Variants in TUBB8 observed in about 807,000 individuals in gnomAD.
TUBB8 encodes tubulin beta 8 class VIII.
TUBB8 carries 25 observed loss-of-function variants against 33.7 expected under a neutral mutation model. The ratio of observed to expected loss-of-function variants is 0.74; its 90% confidence interval spans 0.54 to 1.04. The LOEUF (loss-of-function observed/expected upper bound fraction) is 1.04, where lower values mean the gene tolerates loss of function less well. Ranked by LOEUF, TUBB8 falls within the 50% of genes least tolerant of loss-of-function variation. TUBB8 has a pLI of 0.00. For missense variants in TUBB8, 279 were observed against 608.0 expected, an observed-to-expected ratio of 0.46 and a Z score of 5.69; for synonymous variants, 245 against 240.1, an observed-to-expected ratio of 1.02 and a Z score of -0.19.
chr10:48,549 G>C (rs1554738760), intron 3 of TUBB8, 66 bp downstream of exon 3: 1 of 1,461,626 alleles, frequency 6.8e-7, no homozygotes, highest in Non-Finnish European at 9.6e-7. Flanking sequence ...GATGACCTTA[G>C]CACACTCCTG....
intron 1 of TUBB8, among the ~76,000 whole-genome samples, chr10:61,615 T>G (rs1352240993): frequency 6.6e-6 from 1 of 152,262 alleles, no homozygotes; most frequent in African/African-American, 2.4e-5. Flanking sequence ...ATTAGGTTCA[T>G]TTGTTATACA....
intron 1 of TUBB8, among the ~76,000 whole-genome samples, chr10:71,963 C>T (rs1834742160): frequency 6.6e-6 from 1 of 151,852 alleles, no homozygotes; most frequent in Admixed American, 6.6e-5. Context: ...CAGTGGCTCA[C>T]ACCTATAATC....
In TUBB8 at chr10:48,730, G is replaced by A. The variant is rs1554738836; in HGVS notation, c.167-5C>T. On this transcript the variant is annotated splice_polypyrimidine_tract_variant and splice_region_variant and intron_variant, in intron 2 of 3. Transcript: ENST00000568584. ...CGCGGGGCACGTACCTGCCACCTGC[G>A]TGGGGCGGGAGGGCATGAGCGAGGG... is the stretch of plus-strand genomic sequence containing the variant. 10 of 1,607,282 alleles carry A rather than the reference G, an allele frequency of 6.2e-6. No individual in the cohort carries two copies. Among genetic ancestry groups the A allele is most frequent in the Admixed American group, 5.0e-5 (3 of 59,988 alleles).
intron 1 of TUBB8, among the ~76,000 whole-genome samples, chr10:66,605 C>T (rs1834673917): frequency 6.6e-6 from 1 of 152,218 alleles, no homozygotes; most frequent in Non-Finnish European, 1.5e-5. Context: ...GCCACGTTCA[C>T]ACCACTGCAC....
downstream of TUBB8, among the ~76,000 whole-genome samples, chr10:46,620 T>G (rs1210886539): frequency 1.4e-5 from 2 of 148,026 alleles, no homozygotes; most frequent in Non-Finnish European, 3.0e-5. Context: ...GGCCAGCTGG[T>G]CCCCTAGAAG....
chr10:46,981 G>A lies in TUBB8; in HGVS notation c.*76C>T, dbSNP rs1278428193. On this transcript the variant is annotated 3_prime_UTR_variant, in exon 4 of 4. Transcript: ENST00000568584. ...GATGTGAAGACACAAATTAACAAGC[G>A]TATAGTGACACATGGCTGTCAGAAC... is the stretch of plus-strand genomic sequence containing the variant. 1.6e-5 allele frequency: 10 copies of A among 614,610 alleles called. No homozygotes were observed. Among genetic ancestry groups the A allele is most frequent in the African/African-American group, 7.8e-5 (4 of 51,120 alleles). The allele number at this position is 614,610 out of a possible 1,614,324, so 38.1% of individuals were successfully genotyped here. A position where few individuals can be genotyped will look rare whatever the true frequency, so the allele number is the denominator to read the frequency against.
chr10:50,420 T>C (rs1255124251), upstream of TUBB8, among the ~76,000 whole-genome samples: 1 of 152,208 alleles, frequency 6.6e-6, no homozygotes, highest in Non-Finnish European at 1.5e-5. Flanking sequence ...CAGGGTATTC[T>C]GGCCCAGTTC....
Position 47,213 on chromosome 10 carries a change from G to T in TUBB8, c.1179C>A (p.Ala393=). The part of the protein sequence containing the change: ...EQFTAMFRRK[A]FLHWYTGEGM... ...CCTCGCCCGTGTACCAGTGGAGGAA[G>T]GCCTTGCGCCTGAACATTGCTGTAA... The change falls in exon 4 of 4, where the codon GCC becomes GCA. Residue 393 remains alanine, a synonymous_variant. Coordinates refer to ENST00000568584, the MANE Select transcript of TUBB8 (RefSeq NM_177987.3). 1.9e-6 allele frequency: 3 copies of T among 1,613,106 alleles called. No individual in the cohort carries two copies. The highest frequency in any genetic ancestry group is 2.5e-6 in the Non-Finnish European group (3 of 1,179,876).
At chr10:58,594 C>T (rs1332946838) in intron 1 of TUBB8, among the ~76,000 whole-genome samples, 1 of 152,184 alleles carries the variant, frequency 6.6e-6, no homozygotes, top group African/African-American at 2.4e-5. Context: ...GAATCTTGCA[C>T]ATCACAGGGC....
Position 48,664 on chromosome 10 carries a change from C to T in TUBB8, c.228G>A (p.Val76=). 6 of 1,612,180 alleles carry T rather than the reference C, an allele frequency of 3.7e-6. No homozygotes were observed. The highest frequency in any genetic ancestry group is 5.1e-6 in the Non-Finnish European group (6 of 1,179,840). Residue 76 remains valine, a synonymous_variant, in exon 3 of 4, where the codon GTG becomes GTA. Coordinates refer to ENST00000568584, the MANE Select transcript of TUBB8 (RefSeq NM_177987.3). ...VDLEPGTMDS[V]RSGPFGQVFR... is the part of the protein sequence containing the mutation. Reference sequence around the variant, plus strand: ...AGACCTGCCCGAAGGGCCCCGAGCGCACAGAGTCCATGGTGCCCGGCTCCA... The same window carrying T: ...AGACCTGCCCGAAGGGCCCCGAGCGTACAGAGTCCATGGTGCCCGGCTCCA...
intron 1 of TUBB8, among the ~76,000 whole-genome samples, chr10:59,593 A>C (rs1554740623): frequency 6.6e-6 from 1 of 152,160 alleles, no homozygotes; most frequent in African/African-American, 2.4e-5. Flanking sequence ...TTACCTATTT[A>C]TGTATTGTTT....
At chr10:55,253 T>C (rs537096638) in intron 1 of TUBB8, among the ~76,000 whole-genome samples, 238 of 152,288 alleles carry the variant, frequency 1.6e-3, no homozygotes, top group African/African-American at 5.1e-3. Context: ...AACTCACTCA[T>C]TGTCAGAAGA....
chr10:73,171 A>C (rs1211059351), intron 1 of TUBB8, among the ~76,000 whole-genome samples: 9 of 152,264 alleles, frequency 5.9e-5, no homozygotes, highest in African/African-American at 2.2e-4. Context: ...TGACGAGTTC[A>C]CTTCCATTAG....
Position 47,227 on chromosome 10 carries a change from A to T in TUBB8, c.1165T>A (p.Phe389Ile). Residue 389 changes from phenylalanine to isoleucine, a missense_variant, in exon 4 of 4, where the codon TTC becomes ATC. Phe to Ile is a conservative substitution (Grantham distance 21). Around this residue, in one of 4 missense-constraint regions of TUBB8, gnomAD observed 123 missense variants for 228.9 expected, o/e 0.54. Transcript: ENST00000568584. ...CAGTGGAGGAAGGCCTTGCGCCTGA[A>T]CATTGCTGTAAACTGCTCTGAGACA... ...KRVSEQFTAM[F>I]RRKAFLHWYT... 6.2e-7 allele frequency: 1 copy of T among 1,613,392 alleles called. No individual in the cohort carries two copies. The highest frequency in any genetic ancestry group is 8.5e-7 in the Non-Finnish European group (1 of 1,179,910).
At chr10:59,470 T>C (rs1431505239) in intron 1 of TUBB8, among the ~76,000 whole-genome samples, 5 of 152,258 alleles carry the variant, frequency 3.3e-5, no homozygotes, top group Non-Finnish European at 7.3e-5. Context: ...ATTACAGGCG[T>C]GAGCCACTGC....
chr10:70,974 A>G (rs2130952243), intron 1 of TUBB8, among the ~76,000 whole-genome samples: 1 of 152,376 alleles, frequency 6.6e-6, no homozygotes, highest in East Asian at 1.9e-4. Flanking sequence ...TACACCGATT[A>G]GCATAGAAAA....
At chr10:69,361 C>T (rs1320841096) in intron 1 of TUBB8, among the ~76,000 whole-genome samples, 1 of 152,226 alleles carries the variant, frequency 6.6e-6, no homozygotes, top group Non-Finnish European at 1.5e-5. Flanking sequence ...AATGTCCACC[C>T]TTAGCAAATT....
chr10:59,555 G>A (rs1834572497), intron 1 of TUBB8, among the ~76,000 whole-genome samples: 1 of 152,132 alleles, frequency 6.6e-6, no homozygotes, highest in African/African-American at 2.4e-5. Flanking sequence ...TTGTATCTCT[G>A]GGATAAATTC....
intron 1 of TUBB8, 94 bp downstream of exon 1, chr10:49,088 G>A (rs1834423890): frequency 3.6e-6 from 5 of 1,404,144 alleles, no homozygotes; most frequent in Admixed American, 2.2e-5. Flanking sequence ...GAGCCCAGGG[G>A]CCGCAATGCA....
Sources: allele counts gnomAD v4.1 joint callset (sites outside exome capture counted in the v4.1 genomes callset), GRCh38; gene constraint gnomAD v4.1.1; regional missense constraint gnomAD v4.1.1; transcripts MANE v1.5; gene names NCBI Gene and HGNC (gene_info 2026-07-23, HGNC 2026-07-21).